RPS6KC1: variants seen among roughly 807,000 people sequenced by gnomAD.
RPS6KC1 encodes ribosomal protein S6 kinase C1.
RPS6KC1 carries 54 observed loss-of-function variants against 103.8 expected under a neutral mutation model. The ratio of observed to expected loss-of-function variants is 0.52; its 90% CI spans 0.42 to 0.65. RPS6KC1 has a LOEUF of 0.65. Among genes scored for constraint, RPS6KC1 ranks in the 30% least tolerant of loss-of-function variants. The pLI is 0.00. For synonymous variants in RPS6KC1, 439 were observed against 438.7 expected (o/e 1.00, Z -0.01); for missense variants, 1,151 against 1,253.8 (o/e 0.92, Z 1.24).
intron 4 of RPS6KC1, among the ~76,000 whole-genome samples, 161 bp from the exon 5 acceptor site, chr1:213,117,156 T>C (rs1259141785): frequency 6.6e-6 from 1 of 152,216 alleles, no homozygotes; most frequent in African/African-American, 2.4e-5. Context: ...CGATGAGATA[T>C]ACCTATTGTT....
intron 8 of RPS6KC1, among the ~76,000 whole-genome samples, chr1:213,215,821 C>G (rs1053563193): frequency 3.3e-5 from 5 of 152,124 alleles, no homozygotes; most frequent in Non-Finnish European, 7.4e-5. Context: ...TAAAGACAAG[C>G]AAATGCTGAG....
chr1:213,524,711 C>A, the RPS6KC1 span, among the ~76,000 whole-genome samples: 1 of 152,136 alleles, frequency 6.6e-6, no homozygotes. Context: ...ACAGGACTAT[C>A]CCAAGACAAT....
the RPS6KC1 span, among the ~76,000 whole-genome samples, chr1:213,328,504 CTATATATA>C: frequency 6.4e-3 from 650 of 101,458 alleles, 8 homozygotes; most frequent in South Asian, 0.015. Flanking sequence ...AGCCATTATA[CTATATATA>C]TATATATATA....
At chr1:213,064,598 C>T (rs1029630110) in intron 1 of RPS6KC1, among the ~76,000 whole-genome samples, 5 of 151,626 alleles carry the variant, frequency 3.3e-5, no homozygotes, top group Admixed American at 3.3e-4. Context: ...GAATTCCTGA[C>T]CTCAGGTGAT....
At chr1:213,798,649 G>A in the RPS6KC1 span, among the ~76,000 whole-genome samples, 1 of 152,172 alleles carries the variant, frequency 6.6e-6, no homozygotes, top group African/African-American at 2.4e-5. Context: ...GGCAGAAGAG[G>A]AGAAGCTATG....
At chr1:213,250,120 A>T (rs934840188) in intron 12 of RPS6KC1, among the ~76,000 whole-genome samples, 1 of 152,222 alleles carries the variant, frequency 6.6e-6, no homozygotes, top group Admixed American at 6.5e-5. Flanking sequence ...CCTAAAAACC[A>T]ACTGAATAAA....
the RPS6KC1 span, among the ~76,000 whole-genome samples, chr1:213,541,766 C>T: frequency 2.0e-5 from 3 of 152,114 alleles, no homozygotes; most frequent in Non-Finnish European, 4.4e-5. Flanking sequence ...ACCCATTGCA[C>T]AAGCTGTGTG....
the RPS6KC1 span, among the ~76,000 whole-genome samples, chr1:213,438,344 A>G: frequency 6.6e-6 from 1 of 152,148 alleles, no homozygotes. Context: ...ATTTTCTATT[A>G]AGTGCTGGAT....
the RPS6KC1 span, among the ~76,000 whole-genome samples, chr1:213,510,726 G>A: frequency 4.6e-5 from 7 of 152,120 alleles, no homozygotes; most frequent in East Asian, 1.9e-4. Context: ...CCCTGAATTC[G>A]TAGGAGCCGC....
At chr1:213,804,754 T>C in the RPS6KC1 span, among the ~76,000 whole-genome samples, 1 of 152,238 alleles carries the variant, frequency 6.6e-6, no homozygotes, top group African/African-American at 2.4e-5. Context: ...ATAGCTCTTG[T>C]ATAATAATAG....
chr1:213,064,423 A>G (rs1170148929), intron 1 of RPS6KC1, among the ~76,000 whole-genome samples: 1 of 150,486 alleles, frequency 6.6e-6, no homozygotes, highest in African/African-American at 2.5e-5. Flanking sequence ...GCTGGAGTAC[A>G]ATGGCGCAAT....
intron 6 of RPS6KC1, among the ~76,000 whole-genome samples, chr1:213,167,101 A>G (rs575142693): frequency 2.0e-5 from 3 of 152,260 alleles, no homozygotes; most frequent in East Asian, 3.9e-4. Context: ...CCAGGAGGAT[A>G]GGGTTCTATG....
At chr1:213,182,616 T>G (rs1200852412) in intron 8 of RPS6KC1, among the ~76,000 whole-genome samples, 3 of 151,640 alleles carry the variant, frequency 2.0e-5, no homozygotes, top group Non-Finnish European at 4.4e-5. Flanking sequence ...CATGCAAACT[T>G]AAGCCCTAAC....
At chr1:213,263,082 ACT>A (rs1351643586) in intron 14 of RPS6KC1, among the ~76,000 whole-genome samples, 7 of 151,912 alleles carry the variant, frequency 4.6e-5, no homozygotes, top group African/African-American at 7.3e-5. Context: ...TATTTGTGTA[ACT>A]CTGTGATTTG....
At chr1:213,599,469 A>AG in the RPS6KC1 span, among the ~76,000 whole-genome samples, 1,540 of 150,220 alleles carry the variant, frequency 0.01, 27 homozygotes, top group African/African-American at 0.036. Context: ...TGGTAGAACG[A>AG]GGGGGGGAAA....
At chr1:213,064,676 C>CTT (rs34472724) in intron 1 of RPS6KC1, among the ~76,000 whole-genome samples, 49,229 of 104,742 alleles carry the variant, frequency 0.47, 14,196 homozygotes, top group Non-Finnish European at 0.62. Context: ...CCTTTGTGAA[C>CTT]TTTTTTTTTT....
intron 7 of RPS6KC1, among the ~76,000 whole-genome samples, chr1:213,170,647 A>G (rs1238103780): frequency 1.3e-5 from 2 of 152,238 alleles, no homozygotes; most frequent in Non-Finnish European, 2.9e-5. Context: ...TTAGGCAAGG[A>G]GGCTAGAGGA....
chr1:213,567,053 T>G, the RPS6KC1 span, among the ~76,000 whole-genome samples: 1 of 152,184 alleles, frequency 6.6e-6, no homozygotes, highest in African/African-American at 2.4e-5. Flanking sequence ...CAGAGAAATT[T>G]TTTCATTTGT....
chr1:213,426,805 G>C, the RPS6KC1 span, among the ~76,000 whole-genome samples: 1 of 152,114 alleles, frequency 6.6e-6, no homozygotes, highest in Non-Finnish European at 1.5e-5. Flanking sequence ...AAGACTCTGT[G>C]GTAGCTAATA....
Sources: allele counts gnomAD v4.1 joint callset (sites outside exome capture counted in the v4.1 genomes callset), GRCh38; gene constraint gnomAD v4.1.1; transcripts MANE v1.5; gene names NCBI Gene and HGNC (gene_info 2026-07-23, HGNC 2026-07-21).